The following CYFIP2 variants were observed in gnomAD, a reference collection of about 807,000 sequenced individuals.
CYFIP2 encodes the protein cytoplasmic FMR1 interacting protein 2.
In CYFIP2, 29 loss-of-function variants were observed where a neutral mutation model predicts 158.7. That is an observed-to-expected ratio of 0.18 (90% CI 0.14 to 0.25). The LOEUF (loss-of-function observed/expected upper bound fraction) is 0.25. Ranked by LOEUF, CYFIP2 falls within the 10% of genes least tolerant of loss-of-function variation. The pLI is 1.00. For missense variants in CYFIP2, 852 were observed against 1,639.5 expected, an observed-to-expected ratio of 0.52 and a Z score of 8.29; for synonymous variants, 585 against 617.6, an observed-to-expected ratio of 0.95 and a Z score of 0.78.
chr5:157,342,123 AG>A (rs1383274130), intron 23 of CYFIP2: 2 of 152,790 alleles, frequency 1.3e-5, no homozygotes, highest in East Asian at 3.9e-4. Context: ...AATCACTGGC[AG>A]GCAATAGAAG....
chr5:157,292,714 A>G (rs1030260222), intron 3 of CYFIP2, among the ~76,000 whole-genome samples: 2 of 152,166 alleles, frequency 1.3e-5, no homozygotes, highest in African/African-American at 4.8e-5. Flanking sequence ...TTGAATCTAC[A>G]CATTTTTCTG....
intron 28 of CYFIP2, among the ~76,000 whole-genome samples, chr5:157,386,559 T>C (rs1766713167): frequency 1.3e-5 from 2 of 152,144 alleles, no homozygotes; most frequent in Non-Finnish European, 2.9e-5. Flanking sequence ...TTTATACTCA[T>C]TGACCCTTCA....
chr5:157,355,282 A>G (rs1763338963), intron 23 of CYFIP2, among the ~76,000 whole-genome samples: 1 of 152,214 alleles, frequency 6.6e-6, no homozygotes, highest in Non-Finnish European at 1.5e-5. Context: ...ACAATCAGAG[A>G]ATCGTAGCTG....
intron 26 of CYFIP2, among the ~76,000 whole-genome samples, chr5:157,367,079 C>T (rs780095651): frequency 2.0e-5 from 3 of 152,126 alleles, no homozygotes; most frequent in Non-Finnish European, 2.9e-5. Flanking sequence ...AGAAACACTC[C>T]GGTCAGTCAT....
intron 23 of CYFIP2, among the ~76,000 whole-genome samples, chr5:157,347,938 G>A (rs1020181703): frequency 3.3e-5 from 5 of 152,186 alleles, no homozygotes; most frequent in African/African-American, 7.2e-5. Flanking sequence ...AGCTGTCGCC[G>A]CTCACCAGCA....
At chr5:157,372,156 AAG>A (rs1232341978) in intron 26 of CYFIP2, among the ~76,000 whole-genome samples, 1 of 152,198 alleles carries the variant, frequency 6.6e-6, no homozygotes, top group Non-Finnish European at 1.5e-5. Context: ...AAAGCTATAA[AAG>A]AAACATTTTA....
intron 28 of CYFIP2, 34 bp downstream of exon 28, chr5:157,383,393 A>C: frequency 6.4e-7 from 1 of 1,573,926 alleles, no homozygotes; most frequent in South Asian, 1.1e-5. Flanking sequence ...GGCTCTGATC[A>C]CTGACAGGAA....
At chr5:157,274,129 T>TAAA (rs58939164) in intron 1 of CYFIP2, among the ~76,000 whole-genome samples, 3 of 123,212 alleles carry the variant, frequency 2.4e-5, no homozygotes, top group African/African-American at 9.4e-5. Context: ...AAACTCTGTG[T>TAAA]AAAAAAAAAA....
intron 12 of CYFIP2, 34 bp downstream of exon 12, chr5:157,314,497 C>T (rs1259177630): frequency 1.3e-6 from 2 of 1,595,068 alleles, no homozygotes; most frequent in South Asian, 1.1e-5. Context: ...CTCACACTGA[C>T]CTCTCTTTCC....
chr5:157,279,514 C>T (rs180801825), intron 1 of CYFIP2, among the ~76,000 whole-genome samples: 1 of 152,222 alleles, frequency 6.6e-6, no homozygotes, highest in East Asian at 1.9e-4. Flanking sequence ...GGACCCACCC[C>T]CCTCTTGCTT....
chr5:157,391,584 G>A (rs1767293919), intron 30 of CYFIP2, among the ~76,000 whole-genome samples: 2 of 152,128 alleles, frequency 1.3e-5, no homozygotes. Context: ...ATGTCTTCAA[G>A]GTTCATCCAT....
intron 23 of CYFIP2, chr5:157,342,624 T>TGTGTCCTCC: frequency 2.2e-6 from 1 of 457,690 alleles, no homozygotes; most frequent in South Asian, 6.0e-5. Flanking sequence ...AATTCTTAAC[T>TGTGTCCTCC]GTGTCCTCCG....
intron 5 of CYFIP2, among the ~76,000 whole-genome samples, chr5:157,297,334 TG>T (rs1343237069): frequency 6.6e-6 from 1 of 152,230 alleles, no homozygotes; most frequent in East Asian, 1.9e-4. Flanking sequence ...GCATGGCCTT[TG>T]GAGGCAGAGA....
In CYFIP2 at chr5:157,309,724, G is replaced by A; in HGVS notation, c.901-19G>A. On this transcript the variant is annotated intron_variant, in intron 9 of 30. Transcript: ENST00000620254. ...ACCCCTCCTCAGCATCTCACGAGCT[G>A]TGTTTGCTTCCTTTGCAGCAGCTGC... The A allele has an allele frequency of 6.3e-7, 1 of 1,587,136 alleles. No individual in the cohort carries two copies. Among genetic ancestry groups the A allele is most frequent in the Non-Finnish European group, 8.6e-7 (1 of 1,166,570 alleles).
chr5:157,368,343 A>G (rs1311845721), intron 26 of CYFIP2, among the ~76,000 whole-genome samples: 1 of 152,204 alleles, frequency 6.6e-6, no homozygotes, highest in African/African-American at 2.4e-5. Context: ...GAAAGTCAAA[A>G]AGTAAAAGCC....
chr5:157,333,736 G>C (rs1413763929), intron 21 of CYFIP2, among the ~76,000 whole-genome samples: 1 of 152,236 alleles, frequency 6.6e-6, no homozygotes, highest in Non-Finnish European at 1.5e-5. Context: ...GCAAGTAGGT[G>C]AGGGGTCCTA....
At chr5:157,294,171 C>T (rs1280497960) in intron 3 of CYFIP2, among the ~76,000 whole-genome samples, 1 of 152,160 alleles carries the variant, frequency 6.6e-6, no homozygotes, top group Non-Finnish European at 1.5e-5. Flanking sequence ...ATAATCCTAA[C>T]CTTGTGGCCT....
chr5:157,307,957 G>A (rs1759383918), intron 9 of CYFIP2, 92 bp downstream of exon 9: 2 of 731,796 alleles, frequency 2.7e-6, no homozygotes, highest in East Asian at 2.8e-5. Flanking sequence ...CCAGAAAACT[G>A]TCAGGTTTTT....
At chr5:157,389,495 C>T (rs1004213110) in intron 29 of CYFIP2, 68 bp downstream of exon 29, 3 of 1,406,084 alleles carry the variant, frequency 2.1e-6, no homozygotes, top group South Asian at 1.4e-5. Context: ...CATGGGGCTG[C>T]CAGAGTTCAG....
Sources: gnomAD v4.1 joint callset for allele counts (sites outside exome capture counted in the v4.1 genomes callset) on GRCh38, gnomAD v4.1.1 for gene constraint, MANE v1.5 for transcripts, NCBI Gene and HGNC (gene_info 2026-07-23, HGNC 2026-07-21) for gene names.